Variants in PPP2R3A observed in about 807,000 individuals in gnomAD.
The protein encoded by PPP2R3A is serine/threonine-protein phosphatase 2A regulatory subunit B'' subunit alpha.
A neutral mutation model predicts 106.9 loss-of-function variants in PPP2R3A; 80 were observed. The observed-to-expected ratio is 0.75, with a 90% CI of 0.62 to 0.90. The LOEUF is 0.90. PPP2R3A is among the 40% of genes least tolerant of loss of function. The pLI, the probability that PPP2R3A is intolerant of heterozygous loss-of-function variation, is 0.00. For missense variants in PPP2R3A, 1,386 were observed against 1,350.4 expected, an observed-to-expected ratio of 1.03 and a Z score of -0.41; for synonymous variants, 483 against 468.3, an observed-to-expected ratio of 1.03 and a Z score of -0.41.
At chr3:136,058,326 G>C (rs1935949165) in intron 5 of PPP2R3A, among the ~76,000 whole-genome samples, 1 of 152,108 alleles carries the variant, frequency 6.6e-6, no homozygotes, top group African/African-American at 2.4e-5. Context: ...CAAAGTCTCA[G>C]GATACAAAAT....
intron 3 of PPP2R3A, among the ~76,000 whole-genome samples, chr3:136,029,798 T>C (rs1006132610): frequency 6.6e-6 from 1 of 152,200 alleles, no homozygotes; most frequent in African/African-American, 2.4e-5. Context: ...AGCCCTAAAT[T>C]CTATTCATGG....
intron 5 of PPP2R3A, among the ~76,000 whole-genome samples, chr3:136,052,123 AT>A (rs369860138): frequency 1.4e-3 from 217 of 152,344 alleles, no homozygotes; most frequent in African/African-American, 5.0e-3. Context: ...AATCTTCAAT[AT>A]TTGAACTGCA....
At chr3:136,140,098 C>G (rs1938797880) in intron 13 of PPP2R3A, among the ~76,000 whole-genome samples, 1 of 151,896 alleles carries the variant, frequency 6.6e-6, no homozygotes, top group Non-Finnish European at 1.5e-5. Context: ...CTTTAATCCT[C>G]TGACCCCTCT....
intron 1 of PPP2R3A, among the ~76,000 whole-genome samples, chr3:135,972,391 T>C (rs1937276624): frequency 6.6e-6 from 1 of 152,238 alleles, no homozygotes; most frequent in Non-Finnish European, 1.5e-5. Flanking sequence ...GTTTACACCT[T>C]TTGGCTCTTA....
chr3:136,124,635 A>C (rs1448822631), intron 13 of PPP2R3A, among the ~76,000 whole-genome samples: 1 of 152,152 alleles, frequency 6.6e-6, no homozygotes, highest in Non-Finnish European at 1.5e-5. Context: ...AATAGAAAAA[A>C]GGATATAATA....
intron 2 of PPP2R3A, among the ~76,000 whole-genome samples, chr3:136,013,073 A>G (rs989312857): frequency 2.6e-5 from 4 of 152,064 alleles, no homozygotes; most frequent in African/African-American, 7.2e-5. Flanking sequence ...GAGTTACTTC[A>G]CCTACAATAG....
At chr3:136,006,827 A>G (rs1933862262) in intron 2 of PPP2R3A, among the ~76,000 whole-genome samples, 1 of 152,236 alleles carries the variant, frequency 6.6e-6, no homozygotes, top group African/African-American at 2.4e-5. Flanking sequence ...GCTCTGTAAT[A>G]GTTTTATCTT....
intron 1 of PPP2R3A, among the ~76,000 whole-genome samples, chr3:135,983,775 A>G (rs1937569594): frequency 6.6e-6 from 1 of 152,200 alleles, no homozygotes; most frequent in African/African-American, 2.4e-5. Flanking sequence ...ATTTGTGAAC[A>G]TGCTTTTAAT....
chr3:136,076,191 A>C (rs2107918889), intron 6 of PPP2R3A, among the ~76,000 whole-genome samples: 1 of 152,366 alleles, frequency 6.6e-6, no homozygotes, highest in Admixed American at 6.5e-5. Context: ...AGTCTTCCTT[A>C]TATTGAAGCA....
intron 5 of PPP2R3A, among the ~76,000 whole-genome samples, chr3:136,067,771 T>TG (rs1936305298): frequency 6.6e-6 from 1 of 152,210 alleles, no homozygotes; most frequent in Non-Finnish European, 1.5e-5. Flanking sequence ...ATGGGCACCT[T>TG]TCACACCCAG....
chr3:136,054,623 A>G (rs1167390510), intron 5 of PPP2R3A, among the ~76,000 whole-genome samples: 2 of 152,240 alleles, frequency 1.3e-5, no homozygotes, highest in Non-Finnish European at 2.9e-5. Context: ...ATTAACATGC[A>G]TTTAAAAATA....
chr3:136,029,685 A>G (rs1482121372), intron 3 of PPP2R3A, among the ~76,000 whole-genome samples: 1 of 152,246 alleles, frequency 6.6e-6, no homozygotes, highest in Non-Finnish European at 1.5e-5. Context: ...CCATAGGGAC[A>G]GTCATTTACG....
At chr3:136,030,826 A>G (rs865834462) in intron 3 of PPP2R3A, among the ~76,000 whole-genome samples, 16 of 131,962 alleles carry the variant, frequency 1.2e-4, no homozygotes, top group Non-Finnish European at 1.9e-4. Context: ...ATGTATGTAT[A>G]CACACACACA....
rs145044625 is a variant in PPP2R3A, at chr3:136,015,688, A to G, written c.1996-11144A>G. On this transcript the variant is annotated intron_variant, in intron 2 of 13. Coordinates refer to ENST00000264977, the MANE Select transcript of PPP2R3A (RefSeq NM_002718.5). Reference sequence around the variant, plus strand: ...TCCTGTTTCATTTCTAATTGAGCTTATTTGGATCGTCTCTCTTCTTTTCTC... The same window carrying G: ...TCCTGTTTCATTTCTAATTGAGCTTGTTTGGATCGTCTCTCTTCTTTTCTC... Among the ~76,000 whole-genome samples, 435 of 151,358 alleles carry G rather than the reference A, an allele frequency of 2.9e-3. 3 individuals carry two copies. The highest frequency in any genetic ancestry group is 0.01 in the African/African-American group (417 of 41,330).
At chr3:136,096,417 T>A (rs992786320) in intron 10 of PPP2R3A, among the ~76,000 whole-genome samples, 7 of 152,228 alleles carry the variant, frequency 4.6e-5, no homozygotes, top group African/African-American at 9.6e-5. Context: ...GAGTCTTTCC[T>A]ATGCCTGGTA....
intron 7 of PPP2R3A, among the ~76,000 whole-genome samples, chr3:136,079,918 T>G (rs988027088): frequency 1.3e-5 from 2 of 152,134 alleles, no homozygotes; most frequent in Admixed American, 1.3e-4. Flanking sequence ...TCCTTAGTCT[T>G]CCTCTTCGTA....
At chr3:136,106,636 C>A in intron 13 of PPP2R3A, 1 of 283,316 alleles carries the variant, frequency 3.5e-6, no homozygotes, top group Non-Finnish European at 6.6e-6. Flanking sequence ...AGAACTAAAG[C>A]TCTGGCCGGG....
intron 3 of PPP2R3A, among the ~76,000 whole-genome samples, chr3:136,040,534 C>T (rs1365042453): frequency 1.3e-5 from 2 of 152,056 alleles, no homozygotes; most frequent in African/African-American, 2.4e-5. Context: ...AGCATGACTC[C>T]GTCTCAAAAA....
intron 13 of PPP2R3A, among the ~76,000 whole-genome samples, chr3:136,121,069 T>A (rs1367717035): frequency 2.6e-5 from 4 of 152,070 alleles, no homozygotes; most frequent in Admixed American, 6.5e-5. Context: ...AACCCAGCAA[T>A]CCCACTGCTG....
Sources: gnomAD v4.1 joint callset for allele counts (sites outside exome capture counted in the v4.1 genomes callset) on GRCh38, gnomAD v4.1.1 for gene constraint, MANE v1.5 for transcripts, NCBI Gene and HGNC (gene_info 2026-07-23, HGNC 2026-07-21) for gene names.